Variants in SYNE2 observed in about 807,000 individuals in gnomAD.
SYNE2 encodes the protein nesprin-2.
A neutral mutation model predicts 856.3 loss-of-function variants in SYNE2; 431 were observed. That is an observed-to-expected ratio of 0.50 (90% confidence interval 0.47 to 0.55). The LOEUF (loss-of-function observed/expected upper bound fraction) is 0.55, where lower values mean the gene tolerates loss of function less well. SYNE2 is among the 20% of genes least tolerant of loss of function. The pLI is 0.00. For synonymous variants in SYNE2, 2,923 were observed against 2,872.3 expected, an observed-to-expected ratio of 1.02 and a Z score of -0.56; for missense variants, 8,129 against 8,023.2, an observed-to-expected ratio of 1.01 and a Z score of -0.50.
At chr14:63,916,128 T>G (rs1277872361) in intron 2 of SYNE2, among the ~76,000 whole-genome samples, 1 of 152,164 alleles carries the variant, frequency 6.6e-6, no homozygotes, top group Non-Finnish European at 1.5e-5. Context: ...TAATCATTCT[T>G]AGGAGATGAG....
intron 89 of SYNE2, 51 bp from the exon 90 acceptor site, chr14:64,165,234 G>C (rs1055549274): frequency 1.3e-6 from 2 of 1,591,324 alleles, no homozygotes; most frequent in Non-Finnish European, 1.7e-6. Flanking sequence ...GTTTAATTCT[G>C]TTTTATATGT....
intron 85 of SYNE2, among the ~76,000 whole-genome samples, chr14:64,154,290 G>A (rs1057265286): frequency 2.0e-5 from 3 of 151,660 alleles, no homozygotes; most frequent in Non-Finnish European, 4.4e-5. Flanking sequence ...CACCAAAATC[G>A]TAAGCTATCA....
intron 6 of SYNE2, among the ~76,000 whole-genome samples, chr14:63,942,779 G>C (rs1595778225): frequency 6.6e-6 from 1 of 152,214 alleles, no homozygotes; most frequent in Admixed American, 6.5e-5. Context: ...ACAGGTGTGA[G>C]CCACCATGCC....
At chr14:64,204,612 TTCAATCTGGTTGA>T (rs1201206925) in intron 100 of SYNE2, among the ~76,000 whole-genome samples, 131 of 152,280 alleles carry the variant, frequency 8.6e-4, no homozygotes, top group African/African-American at 2.8e-3. Context: ...GGCACATAAT[TTCAATCTGGTTGA>T]TTTGAAAATT....
At chr14:64,087,441 G>C (rs753551586) in intron 57 of SYNE2, 20 of 681,976 alleles carry the variant, frequency 2.9e-5, no homozygotes, top group Non-Finnish European at 5.3e-5. Flanking sequence ...TTTAGAAGTG[G>C]ACCAAGACCA....
At chr14:64,100,923 G>A (rs997508881) in intron 63 of SYNE2, among the ~76,000 whole-genome samples, 8 of 151,300 alleles carry the variant, frequency 5.3e-5, no homozygotes, top group African/African-American at 1.9e-4. Flanking sequence ...TCTGTGCCTG[G>A]ATTATTTCAC....
At chr14:64,194,662 C>T (rs1168885014) in intron 99 of SYNE2, among the ~76,000 whole-genome samples, 1 of 152,206 alleles carries the variant, frequency 6.6e-6, no homozygotes, top group Non-Finnish European at 1.5e-5. Context: ...AGACAGACAA[C>T]TAAATTACAG....
At chr14:63,800,189 GTC>G (rs1327055559) in intron 1 of SYNE2, among the ~76,000 whole-genome samples, 1 of 152,046 alleles carries the variant, frequency 6.6e-6, no homozygotes, top group Non-Finnish European at 1.5e-5. Flanking sequence ...AAGGCAATTA[GTC>G]TCTGATTTTC....
chr14:63,806,612 T>C lies in SYNE2; in HGVS notation c.-305+44626T>C, dbSNP rs188864036. On this transcript the variant is annotated intron_variant, in intron 1 of 23. Coordinates refer to the SYNE2 transcript ENST00000674003. Reference sequence around the variant, plus strand: ...TCTTCCTAGTTCAATCTTGGGAAATTGTATGTTTCAAGGAATGCATCCATT... The same window carrying C: ...TCTTCCTAGTTCAATCTTGGGAAATCGTATGTTTCAAGGAATGCATCCATT... Among the ~76,000 whole-genome samples, 627 of 152,262 alleles carry C rather than the reference T, an allele frequency of 4.1e-3. 9 individuals carry two copies. Among genetic ancestry groups the C allele is most frequent in the African/African-American group, 0.014 (589 of 41,560 alleles).
Position 64,221,866 on chromosome 14 carries a change from C to T in SYNE2, c.20190+162C>T, listed in dbSNP as rs114314866. 5.1e-3 allele frequency among the ~76,000 whole-genome samples: 776 copies of T among 152,264 alleles called. 6 individuals carry two copies. Among genetic ancestry groups the T allele is most frequent in the African/African-American group, 0.018 (739 of 41,546 alleles). On this transcript the variant is annotated intron_variant, in intron 112 of 115. Transcript: ENST00000555002. The stretch of plus-strand genomic sequence containing the variant: ...TAGTGTTCCTCCAGTTGGTGTTTAC[C>T]GAGCTGCCCTTTGTAGTTCTGAAGC...
intron 1 of SYNE2, among the ~76,000 whole-genome samples, chr14:63,882,812 G>T (rs2094895763): frequency 6.6e-6 from 1 of 152,122 alleles, no homozygotes; most frequent in African/African-American, 2.4e-5. Context: ...TTGAGACTTT[G>T]GACTCAGGAT....
chr14:64,162,531 TAC>T, intron 88 of SYNE2: 2 of 519,172 alleles, frequency 3.9e-6, no homozygotes, highest in South Asian at 4.0e-5. Context: ...TCTCTAGTGT[TAC>T]ATCTCTAAGG....
intron 43 of SYNE2, among the ~76,000 whole-genome samples, chr14:64,029,382 C>G (rs1364749150): frequency 6.6e-6 from 1 of 152,006 alleles, no homozygotes; most frequent in Non-Finnish European, 1.5e-5. Context: ...TTTTCCTATC[C>G]CAGGGAGAGA....
intron 11 of SYNE2, among the ~76,000 whole-genome samples, chr14:63,970,013 A>G (rs955135803): frequency 1.3e-5 from 2 of 152,088 alleles, no homozygotes; most frequent in South Asian, 4.1e-4. Context: ...GTTTTTCTTG[A>G]CATCTAGTAA....
intron 1 of SYNE2, among the ~76,000 whole-genome samples, chr14:63,847,585 ATT>A (rs1194475873): frequency 2.1e-4 from 29 of 137,542 alleles, no homozygotes; most frequent in Admixed American, 2.9e-4. Flanking sequence ...TATGTTCTGT[ATT>A]TTTTTTTTTT....
At chr14:63,974,890 G>GTGTGTGTGTATATATATA (rs1555407339) in intron 11 of SYNE2, among the ~76,000 whole-genome samples, 2 of 27,504 alleles carry the variant, frequency 7.3e-5, no homozygotes, top group African/African-American at 2.4e-4. Context: ...GTGTGTGTGT[G>GTGTGTGTGTATATATATA]TGTATATATA....
intron 1 of SYNE2, among the ~76,000 whole-genome samples, chr14:63,813,445 CCAAA>C (rs780614344): frequency 1.3e-5 from 2 of 152,216 alleles, no homozygotes; most frequent in Non-Finnish European, 2.9e-5. Flanking sequence ...CTATGATTCT[CCAAA>C]CAAACATGTC....
In SYNE2 at chr14:63,771,362, G is replaced by A. The variant is rs111312944; in HGVS notation, c.-305+9376G>A. Among the ~76,000 whole-genome samples, 788 of 152,052 alleles carry A rather than the reference G, an allele frequency of 5.2e-3. 5 individuals carry two copies. Among genetic ancestry groups the A allele is most frequent in the African/African-American group, 0.017 (726 of 41,502 alleles). On this transcript the variant is annotated intron_variant, in intron 1 of 23. Transcript: ENST00000674003. ...TGGGATTACAAGCGTGAGCCACCGC[G>A]CCCGGCCCCTTATACACTCTTGATG...
At chr14:63,881,570 T>G (rs2094865462) in intron 1 of SYNE2, among the ~76,000 whole-genome samples, 1 of 149,492 alleles carries the variant, frequency 6.7e-6, no homozygotes, top group Non-Finnish European at 1.5e-5. Flanking sequence ...TTTTTATATA[T>G]ACTTATATAT....
Sources: allele counts gnomAD v4.1 joint callset (sites outside exome capture counted in the v4.1 genomes callset), GRCh38; gene constraint gnomAD v4.1.1; transcripts MANE v1.5; gene names NCBI Gene and HGNC (gene_info 2026-07-23, HGNC 2026-07-21).